Variants in CPPED1 observed in about 807,000 individuals in gnomAD.
The protein encoded by CPPED1 is calcineurin like phosphoesterase domain containing 1, also known as serine/threonine-protein phosphatase CPPED1.
In CPPED1, 28 loss-of-function variants were observed where a neutral mutation model predicts 28.0. The ratio of observed to expected loss-of-function variants is 1.00; its 90% CI spans 0.74 to 1.37. The LOEUF (loss-of-function observed/expected upper bound fraction) is 1.37. Ranked by LOEUF, CPPED1 falls within the 40% of genes most tolerant of loss-of-function variation. The pLI is 0.00. For missense variants in CPPED1, 504 were observed against 416.5 expected, an observed-to-expected ratio of 1.21 and a Z score of -1.83; for synonymous variants, 198 against 180.2, an observed-to-expected ratio of 1.10 and a Z score of -0.79.
At position 12,796,164 on chromosome 16, in the gene CPPED1, T is replaced by C. The variant is rs532215237; in HGVS notation, c.70+7543A>G. Among the ~76,000 whole-genome samples the C allele has an allele frequency of 1.7e-4, 25 of 150,940 alleles. 1 individual carries two copies. The highest frequency in any genetic ancestry group is 5.8e-4 in the African/African-American group (24 of 41,128). On this transcript the variant is annotated intron_variant, in intron 1 of 3. Transcript: ENST00000381774. ...CTTCTTGCTCCTCAAGAATTTATAG[T>C]GTACAGGTAGAAAAAGACAGCAAAG...
intron 1 of CPPED1, among the ~76,000 whole-genome samples, chr16:12,783,976 A>ATCCCT (rs149454357): frequency 0.036 from 5,490 of 152,236 alleles, 320 homozygotes; most frequent in African/African-American, 0.13. Flanking sequence ...AAAGACTCTA[A>ATCCCT]GATGCCCCCC....
chr16:12,698,437 T>A (rs2080003472), intron 3 of CPPED1, among the ~76,000 whole-genome samples: 1 of 152,172 alleles, frequency 6.6e-6, no homozygotes, highest in Admixed American at 6.5e-5. Flanking sequence ...TTGAATTTTT[T>A]TTATTTATTT....
intron 3 of CPPED1, among the ~76,000 whole-genome samples, chr16:12,688,369 G>C (rs2079944481): frequency 7.5e-6 from 1 of 133,090 alleles, no homozygotes; most frequent in Non-Finnish European, 1.6e-5. Context: ...GTTTCGCTCT[G>C]TCACCCAGGC....
chr16:12,689,646 C>T (rs1297423339), intron 3 of CPPED1, among the ~76,000 whole-genome samples: 6 of 152,052 alleles, frequency 3.9e-5, no homozygotes, highest in Non-Finnish European at 8.8e-5. Flanking sequence ...CCACAAACCA[C>T]ACTAAAGATG....
intron 2 of CPPED1, among the ~76,000 whole-genome samples, chr16:12,759,807 TG>T (rs1241719608): frequency 6.6e-6 from 1 of 152,342 alleles, no homozygotes; most frequent in African/African-American, 2.4e-5. Flanking sequence ...CCATCTTGAC[TG>T]TAAGTTTCCT....
At chr16:12,798,617 A>G (rs1014759423) in intron 1 of CPPED1, among the ~76,000 whole-genome samples, 1 of 152,238 alleles carries the variant, frequency 6.6e-6, no homozygotes, top group Non-Finnish European at 1.5e-5. Flanking sequence ...TGGGAAAATA[A>G]TCTTTTTAAG....
rs922204509 is a variant in CPPED1, at chr16:12,774,164, T to A, written c.289+7021A>T. Among the ~76,000 whole-genome samples, 14 of 152,252 alleles carry A rather than the reference T, an allele frequency of 9.2e-5. 1 individual carries two copies. The highest frequency in any genetic ancestry group is 8.5e-4 in the Admixed American group (13 of 15,270). On this transcript the variant is annotated intron_variant, in intron 2 of 3. Transcript: ENST00000381774. ...AGGGATGAGGAGGCATTCTGCTAGA[T>A]GGCTTTTTAAAAATGTTCCCTCCAA...
Position 12,678,239 on chromosome 16 carries a change from A to G in CPPED1, c.716-13124T>C, listed in dbSNP as rs376424366. On this transcript the variant is annotated intron_variant, in intron 3 of 3. Coordinates refer to ENST00000381774, the MANE Select transcript of CPPED1 (RefSeq NM_018340.3). Reference sequence around the variant, plus strand: ...GGGAGGCAAGTGAATTGTGTTAGTGAACACAAAAAAGGTCAACTATTCTAT... The same window carrying G: ...GGGAGGCAAGTGAATTGTGTTAGTGGACACAAAAAAGGTCAACTATTCTAT... Among the ~76,000 whole-genome samples, 5 of 152,364 alleles carry G rather than the reference A, an allele frequency of 3.3e-5. No individual in the cohort carries two copies. In the East Asian group the frequency reaches 9.6e-4, roughly 29 times the overall value.
chr16:12,803,649 CCCG>C, intron 1 of CPPED1, 55 bp downstream of exon 1: 1 of 1,360,300 alleles, frequency 7.4e-7, no homozygotes, highest in Non-Finnish European at 9.7e-7. Context: ...AAAAGGTTCC[CCCG>C]GCGGAAGGTT....
In CPPED1 at chr16:12,709,798, G is replaced by T. The variant is rs902273965; in HGVS notation, c.290-4749C>A. Among the ~76,000 whole-genome samples, 3 of 152,020 alleles carry T rather than the reference G, an allele frequency of 2.0e-5. No individual in the cohort carries two copies. The South Asian group carries it at 6.2e-4, about 32-fold the overall frequency. ...CCTCCAAGATCAGGAACAAGACAAG[G>T]AAGTCTGCTCTCACACTCTCACTGA... On this transcript the variant is annotated intron_variant, in intron 2 of 3. Transcript: ENST00000381774. The surrounding 1 kb of genome is among the most constrained non-coding windows in gnomAD (Gnocchi z 4.4).
intron 3 of CPPED1, among the ~76,000 whole-genome samples, chr16:12,693,385 C>T (rs2079973578): frequency 1.3e-5 from 2 of 152,066 alleles, no homozygotes; most frequent in African/African-American, 4.8e-5. Flanking sequence ...TTTGTAGAGA[C>T]AGGTTTCACC....
chr16:12,763,937 T>C (rs192787965), intron 2 of CPPED1, among the ~76,000 whole-genome samples: 1 of 144,846 alleles, frequency 6.9e-6, no homozygotes, highest in East Asian at 1.9e-4. Context: ...TTTTGTCCAC[T>C]GAAAAAAGTG....
intron 2 of CPPED1, among the ~76,000 whole-genome samples, chr16:12,775,855 T>A (rs1281688862): frequency 6.6e-6 from 1 of 152,164 alleles, no homozygotes; most frequent in East Asian, 1.9e-4. Context: ...CAATGACACC[T>A]CCTTTGCAAG....
At chr16:12,762,987 G>A (rs1159419378) in intron 2 of CPPED1, among the ~76,000 whole-genome samples, 1 of 152,124 alleles carries the variant, frequency 6.6e-6, no homozygotes, top group Non-Finnish European at 1.5e-5. Flanking sequence ...CCAGCACTTT[G>A]GGAGGCCAAG....
intron 2 of CPPED1, among the ~76,000 whole-genome samples, chr16:12,780,102 G>A (rs1023505661): frequency 6.6e-6 from 1 of 152,128 alleles, no homozygotes; most frequent in Non-Finnish European, 1.5e-5. Context: ...TGGTTGCAGT[G>A]GAGCTGACCC....
At chr16:12,718,219 A>G (rs181011971) in intron 2 of CPPED1, among the ~76,000 whole-genome samples, 2 of 152,330 alleles carry the variant, frequency 1.3e-5, no homozygotes, top group East Asian at 1.9e-4. Context: ...TCTTGATGTG[A>G]TATCTATCAC....
At chr16:12,739,000 G>T (rs934858881) in intron 2 of CPPED1, among the ~76,000 whole-genome samples, 1 of 152,138 alleles carries the variant, frequency 6.6e-6, no homozygotes, top group Non-Finnish European at 1.5e-5. Context: ...AGCACCACAC[G>T]GTGAAGGGTG....
At chr16:12,788,115 C>T (rs573602696) in intron 1 of CPPED1, among the ~76,000 whole-genome samples, 4 of 152,302 alleles carry the variant, frequency 2.6e-5, no homozygotes, top group East Asian at 3.9e-4. Flanking sequence ...CTTGCCTCAT[C>T]GAACCACACA....
intron 2 of CPPED1, chr16:12,745,830 A>G (rs889971707): frequency 6.6e-6 from 1 of 152,236 alleles, no homozygotes; most frequent in African/African-American, 2.4e-5. Flanking sequence ...AAACCTTCAC[A>G]TGTATCCCTA....
Sources: gnomAD v4.1 joint callset for allele counts (sites outside exome capture counted in the v4.1 genomes callset) on GRCh38, gnomAD v4.1.1 for gene constraint, Gnocchi (gnomAD v3.1) non-coding constraint, MANE v1.5 for transcripts, NCBI Gene and HGNC (gene_info 2026-07-23, HGNC 2026-07-21) for gene names.